ST6GALNAC3: variants seen among roughly 807,000 people sequenced by gnomAD.
ST6GALNAC3 encodes the protein alpha-N-acetylgalactosaminide alpha-2,6-sialyltransferase 3.
ST6GALNAC3 carries 25 observed loss-of-function variants against 32.7 expected under a neutral mutation model. The ratio of observed to expected loss-of-function variants is 0.76; its 90% CI spans 0.56 to 1.07. The LOEUF is 1.07. Ranked by LOEUF, ST6GALNAC3 falls within the 50% of genes least tolerant of loss-of-function variation. ST6GALNAC3 has a pLI of 0.00. For missense variants in ST6GALNAC3, 355 were observed against 382.4 expected, an observed-to-expected ratio of 0.93 and a Z score of 0.60; for synonymous variants, 129 against 133.1, an observed-to-expected ratio of 0.97 and a Z score of 0.21.
intron 3 of ST6GALNAC3, among the ~76,000 whole-genome samples, chr1:76,581,161 G>A (rs1390803393): frequency 6.6e-6 from 1 of 151,974 alleles, no homozygotes; most frequent in Non-Finnish European, 1.5e-5. Context: ...TTACCTCACG[G>A]CCTCAAAGGA....
At chr1:76,391,270 A>G (rs143469780) in intron 2 of ST6GALNAC3, among the ~76,000 whole-genome samples, 2 of 152,176 alleles carry the variant, frequency 1.3e-5, no homozygotes, top group African/African-American at 2.4e-5. Context: ...TAAGTGATCA[A>G]TATAGTTGTT....
At chr1:76,345,183 C>T (rs528870251) in intron 2 of ST6GALNAC3, among the ~76,000 whole-genome samples, 7 of 152,270 alleles carry the variant, frequency 4.6e-5, no homozygotes, top group Admixed American at 6.5e-5. Context: ...GGCTCCTTCT[C>T]CCCCGGACAG....
In ST6GALNAC3 at chr1:76,248,259, A is replaced by G. The variant is rs554010624; in HGVS notation, c.19-65546A>G. On this transcript the variant is annotated intron_variant, in intron 1 of 4. Transcript: ENST00000328299. ...AGACCAGAGCTGTTCCTATTTGACC[A>G]TCTTGGTCCCTCTCTCGCCAGATGC... Among the ~76,000 whole-genome samples the G allele has an allele frequency of 9.3e-4, 141 of 152,236 alleles. 1 individual carries two copies. Among genetic ancestry groups the G allele is most frequent in the Non-Finnish European group, 3.1e-4 (21 of 68,018 alleles).
At chr1:76,268,745 G>A (rs1245797469) in intron 1 of ST6GALNAC3, among the ~76,000 whole-genome samples, 12 of 152,166 alleles carry the variant, frequency 7.9e-5, no homozygotes, top group Non-Finnish European at 1.3e-4. Flanking sequence ...GAATTTGACA[G>A]GCTTTTCTCC....
intron 1 of ST6GALNAC3, among the ~76,000 whole-genome samples, chr1:76,263,874 G>C (rs1447738812): frequency 6.6e-6 from 1 of 152,016 alleles, no homozygotes; most frequent in Non-Finnish European, 1.5e-5. Context: ...TTTCGTTTCT[G>C]AATATGAATG....
chr1:76,366,844 T>A (rs1219002676), intron 2 of ST6GALNAC3, among the ~76,000 whole-genome samples: 1 of 152,184 alleles, frequency 6.6e-6, no homozygotes, highest in East Asian at 1.9e-4. Flanking sequence ...TCTGTGGAAA[T>A]ACAGTTAATT....
In ST6GALNAC3 at chr1:76,628,673, A is replaced by G. The variant is rs776718193; in HGVS notation, c.785A>G (p.Glu262Gly). The change falls in exon 5 of 5, where the codon GAG (glutamate) becomes GGG (glycine). Residue 262 changes from glutamate to glycine, a missense_variant. By Grantham distance (98) the Glu-to-Gly change is moderately conservative. Transcript: ENST00000328299. ...PYHYYEQGRD[E>G]CDEYFLHEHA... is the part of the protein sequence containing the mutation. ...CATTATTATGAACAAGGAAGAGATG[A>G]GTGTGATGAATATTTTCTTCATGAA... 2.5e-6 allele frequency: 4 copies of G among 1,612,032 alleles called. No individual in the cohort carries two copies. Among genetic ancestry groups the G allele is most frequent in the Non-Finnish European group, 2.5e-6 (3 of 1,178,978 alleles).
At chr1:76,421,570 A>T (rs531756788) in intron 3 of ST6GALNAC3, among the ~76,000 whole-genome samples, 1 of 152,216 alleles carries the variant, frequency 6.6e-6, no homozygotes, top group African/African-American at 2.4e-5. Context: ...AGAAAACAAA[A>T]TACCCAAGTA....
chr1:76,167,725 A>G (rs190664064), intron 1 of ST6GALNAC3, among the ~76,000 whole-genome samples: 8 of 152,196 alleles, frequency 5.3e-5, no homozygotes, highest in Non-Finnish European at 1.2e-4. Flanking sequence ...GAGGGTGTAT[A>G]TGTCCAGAAA....
intron 3 of ST6GALNAC3, among the ~76,000 whole-genome samples, chr1:76,616,934 T>C (rs1003037217): frequency 6.6e-6 from 1 of 152,164 alleles, no homozygotes; most frequent in African/African-American, 2.4e-5. Context: ...AGCTGCTTTA[T>C]ATTTTTTTAA....
At chr1:76,409,032 C>G (rs1418354637) in intron 2 of ST6GALNAC3, among the ~76,000 whole-genome samples, 1 of 152,152 alleles carries the variant, frequency 6.6e-6, no homozygotes, top group Admixed American at 6.6e-5. Context: ...ATGTTCTTCT[C>G]TATTGTGTAA....
intron 2 of ST6GALNAC3, among the ~76,000 whole-genome samples, chr1:76,387,979 A>C (rs2101138398): frequency 6.6e-6 from 1 of 152,244 alleles, no homozygotes; most frequent in South Asian, 2.1e-4. Flanking sequence ...TGGACTCTGG[A>C]GCAGAAATCC....
chr1:76,559,922 A>G (rs529009127), intron 3 of ST6GALNAC3, among the ~76,000 whole-genome samples: 2 of 152,282 alleles, frequency 1.3e-5, no homozygotes, highest in East Asian at 3.9e-4. Context: ...TCAAACTCCC[A>G]AAGGTCAAGG....
intron 2 of ST6GALNAC3, among the ~76,000 whole-genome samples, chr1:76,351,893 T>A (rs1221780028): frequency 6.6e-6 from 1 of 152,114 alleles, no homozygotes; most frequent in Admixed American, 6.5e-5. Flanking sequence ...ACAGATATTG[T>A]CTCATCCCCT....
chr1:76,334,842 A>G (rs1263587951), intron 2 of ST6GALNAC3, among the ~76,000 whole-genome samples: 2 of 152,226 alleles, frequency 1.3e-5, no homozygotes. Context: ...GATTCAGTAG[A>G]TGTGAGGTCA....
At chr1:76,263,863 C>CT (rs1327086229) in intron 1 of ST6GALNAC3, among the ~76,000 whole-genome samples, 1 of 151,982 alleles carries the variant, frequency 6.6e-6, no homozygotes, top group Non-Finnish European at 1.5e-5. Flanking sequence ...TGTTGATGAG[C>CT]TTTCGTTTCT....
chr1:76,249,941 G>C (rs1657515825), intron 1 of ST6GALNAC3, among the ~76,000 whole-genome samples: 1 of 152,058 alleles, frequency 6.6e-6, no homozygotes, highest in South Asian at 2.1e-4. Flanking sequence ...GTTCATTTTT[G>C]AGTTGTTTGT....
chr1:76,485,213 G>A (rs1378764462), intron 3 of ST6GALNAC3, among the ~76,000 whole-genome samples: 1 of 152,150 alleles, frequency 6.6e-6, no homozygotes, highest in African/African-American at 2.4e-5. Flanking sequence ...CCAGGCTTTG[G>A]TATCAGGATG....
intron 3 of ST6GALNAC3, among the ~76,000 whole-genome samples, chr1:76,421,103 G>A (rs998832332): frequency 3.3e-5 from 5 of 152,040 alleles, no homozygotes; most frequent in African/African-American, 9.7e-5. Context: ...AAATGGACGA[G>A]TAAAAGAAGA....
Sources: allele counts gnomAD v4.1 joint callset (sites outside exome capture counted in the v4.1 genomes callset), GRCh38; gene constraint gnomAD v4.1.1; transcripts MANE v1.5; gene names NCBI Gene and HGNC (gene_info 2026-07-23, HGNC 2026-07-21).